The following IGF2BP3 variants were observed in gnomAD, a reference collection of about 807,000 sequenced individuals.
IGF2BP3 encodes the protein insulin-like growth factor 2 mRNA-binding protein 3.
IGF2BP3 carries 9 observed loss-of-function variants against 73.8 expected under a neutral mutation model. The observed-to-expected ratio is 0.12, with a 90% confidence interval of 0.07 to 0.21. IGF2BP3 has a LOEUF of 0.21. Ranked by LOEUF, IGF2BP3 falls within the 10% of genes least tolerant of loss-of-function variation. The probability of loss-of-function intolerance (pLI) is 1.00; values close to 1 mark genes in which losing one functional copy is unlikely to be tolerated. For synonymous variants in IGF2BP3, 258 were observed against 256.7 expected (o/e 1.01, Z -0.05); for missense variants, 542 against 714.0 (o/e 0.76, Z 2.75).
At chr7:23,441,537 C>T (rs1321599743) in intron 2 of IGF2BP3, among the ~76,000 whole-genome samples, 1 of 132,054 alleles carries the variant, frequency 7.6e-6, no homozygotes, top group Non-Finnish European at 1.5e-5. Context: ...CGTGCCACTG[C>T]ACTCCAGCCT....
intron 3 of IGF2BP3, among the ~76,000 whole-genome samples, chr7:23,400,216 C>G (rs566354459): frequency 6.6e-6 from 1 of 152,248 alleles, no homozygotes; most frequent in African/African-American, 2.4e-5. Flanking sequence ...TTGCTGATCA[C>G]AAATAGGCAA....
At chr7:23,387,414 A>G (rs1480692365) in intron 3 of IGF2BP3, among the ~76,000 whole-genome samples, 1 of 152,236 alleles carries the variant, frequency 6.6e-6, no homozygotes, top group Non-Finnish European at 1.5e-5. Context: ...AGGATCATGG[A>G]ACAGATAAAG....
At chr7:23,460,688 G>A (rs1452845498) in intron 2 of IGF2BP3, among the ~76,000 whole-genome samples, 2 of 152,030 alleles carry the variant, frequency 1.3e-5, no homozygotes, top group South Asian at 2.1e-4. Context: ...AGTGGCTCAC[G>A]CCTGTAATCC....
In IGF2BP3 at chr7:23,334,018, C is replaced by T. The variant is rs1410638443; in HGVS notation, c.1203+8046G>A. On this transcript the variant is annotated intron_variant, in intron 10 of 14. Transcript: ENST00000258729. ...CAATCATTAAATTGGCTCTCTGGTACACTTCATTCTTATATGGGATTCAGA... is the reference window on the plus strand; with the variant it reads ...CAATCATTAAATTGGCTCTCTGGTATACTTCATTCTTATATGGGATTCAGA... Among the ~76,000 whole-genome samples, 4 of 152,138 alleles carry T rather than the reference C, an allele frequency of 2.6e-5. No individual in the cohort carries two copies. The East Asian group carries it at 7.7e-4, about 29-fold the overall frequency.
At chr7:23,427,069 A>G (rs929847493) in intron 2 of IGF2BP3, among the ~76,000 whole-genome samples, 2 of 152,206 alleles carry the variant, frequency 1.3e-5, no homozygotes, top group Non-Finnish European at 2.9e-5. Flanking sequence ...TCAATCCCAC[A>G]CACATTTCAG....
chr7:23,340,982 TG>T (rs1321570733), intron 10 of IGF2BP3, among the ~76,000 whole-genome samples: 12 of 151,906 alleles, frequency 7.9e-5, no homozygotes, highest in African/African-American at 2.9e-4. Flanking sequence ...CCCAAGTAGC[TG>T]GGATTACAGG....
chr7:23,389,219 G>T lies in IGF2BP3; in HGVS notation c.286-27478C>A, dbSNP rs986448577. ...TCTGTCGCCCAGGCTGGAGTGCAGCGGCACTATCTCGGCTCACTGCAACCT... is the reference window on the plus strand; with the variant it reads ...TCTGTCGCCCAGGCTGGAGTGCAGCTGCACTATCTCGGCTCACTGCAACCT... On this transcript the variant is annotated intron_variant, in intron 3 of 14. Coordinates refer to ENST00000258729, the MANE Select transcript of IGF2BP3 (RefSeq NM_006547.3). Among the ~76,000 whole-genome samples, 3 of 151,014 alleles carry T rather than the reference G, an allele frequency of 2.0e-5. No individual in the cohort carries two copies. In the East Asian group the frequency reaches 5.9e-4, roughly 29 times the overall value.
At chr7:23,321,170 C>G (rs1446732989) in intron 10 of IGF2BP3, among the ~76,000 whole-genome samples, 16 of 152,168 alleles carry the variant, frequency 1.1e-4, no homozygotes. Context: ...CTGGGTTCAT[C>G]TCACTAGGGA....
Position 23,430,036 on chromosome 7 carries a change from T to C in IGF2BP3, c.237-11212A>G, listed in dbSNP as rs1484246524. ...ACATAATGCTGCTAACACCAGCTGA[T>C]GACAGAAGGAGAAAACCAAGTCTAA... is the stretch of plus-strand genomic sequence containing the variant. On this transcript the variant is annotated intron_variant, in intron 2 of 14. Coordinates refer to ENST00000258729, the MANE Select transcript of IGF2BP3 (RefSeq NM_006547.3). 3.9e-5 allele frequency among the ~76,000 whole-genome samples: 6 copies of C among 151,974 alleles called. No homozygotes were observed. The East Asian group carries it at 1.2e-3, about 29-fold the overall frequency.
chr7:23,343,127 C>T (rs1784751240), intron 9 of IGF2BP3, among the ~76,000 whole-genome samples: 1 of 152,188 alleles, frequency 6.6e-6, no homozygotes, highest in African/African-American at 2.4e-5. Context: ...CTTTAATAGC[C>T]TCAGATGCAC....
chr7:23,421,040 C>T (rs1787329841), intron 2 of IGF2BP3, among the ~76,000 whole-genome samples: 1 of 152,176 alleles, frequency 6.6e-6, no homozygotes, highest in Non-Finnish European at 1.5e-5. Context: ...ACAAGAGTCT[C>T]GCTCTGTCGC....
intron 2 of IGF2BP3, among the ~76,000 whole-genome samples, chr7:23,441,340 C>A (rs141438992): frequency 1.1e-4 from 16 of 151,574 alleles, no homozygotes; most frequent in African/African-American, 3.1e-4. Flanking sequence ...TTTGGGAGGC[C>A]GAGGTGGACG....
At chr7:23,464,260 G>A (rs1169423166) in intron 2 of IGF2BP3, among the ~76,000 whole-genome samples, 1 of 152,112 alleles carries the variant, frequency 6.6e-6, no homozygotes, top group African/African-American at 2.4e-5. Flanking sequence ...TTAAAACCCC[G>A]ATGACTTTTA....
chr7:23,340,107 C>CA (rs921894078), intron 10 of IGF2BP3, among the ~76,000 whole-genome samples: 16 of 152,144 alleles, frequency 1.1e-4, no homozygotes, highest in Admixed American at 1.0e-3. Flanking sequence ...AAAATTGTGT[C>CA]AGAGGCAGTG....
At chr7:23,327,676 T>G (rs907472285) in intron 10 of IGF2BP3, among the ~76,000 whole-genome samples, 2 of 152,076 alleles carry the variant, frequency 1.3e-5, no homozygotes, top group African/African-American at 4.8e-5. Context: ...TTTAAGCCGT[T>G]TTCAAAAATC....
chr7:23,374,670 C>G (rs956725499), intron 3 of IGF2BP3, among the ~76,000 whole-genome samples: 3 of 152,032 alleles, frequency 2.0e-5, no homozygotes, highest in African/African-American at 7.3e-5. Context: ...GAGTGAGACT[C>G]TGTCTCCAAT....
intron 2 of IGF2BP3, among the ~76,000 whole-genome samples, chr7:23,439,554 C>CAAAAAAA (rs11332929): frequency 5.3e-5 from 3 of 56,716 alleles, no homozygotes; most frequent in Non-Finnish European, 6.9e-5. Flanking sequence ...GACTCCGTCT[C>CAAAAAAA]AAAAAAAAAA....
chr7:23,335,918 G>C (rs1784562051), intron 10 of IGF2BP3, among the ~76,000 whole-genome samples: 1 of 152,178 alleles, frequency 6.6e-6, no homozygotes, highest in Non-Finnish European at 1.5e-5. Context: ...GTTAAGTACT[G>C]TACGAGCCAG....
At chr7:23,416,594 G>C (rs1230713614) in intron 3 of IGF2BP3, among the ~76,000 whole-genome samples, 3 of 152,208 alleles carry the variant, frequency 2.0e-5, no homozygotes, top group Admixed American at 6.5e-5. Flanking sequence ...CTGCATTAAA[G>C]TAGAAGGTAC....
Sources: allele counts gnomAD v4.1 joint callset (sites outside exome capture counted in the v4.1 genomes callset), GRCh38; gene constraint gnomAD v4.1.1; transcripts MANE v1.5; gene names NCBI Gene and HGNC (gene_info 2026-07-23, HGNC 2026-07-21).